UGT1A7: variants seen among roughly 807,000 people sequenced by gnomAD.
UGT1A7 encodes the protein UDP glucuronosyltransferase family 1 member A7.
Under a neutral mutation model 45.6 loss-of-function variants are expected in UGT1A7, and 33 were observed. That is an observed-to-expected ratio of 0.72 (90% CI 0.55 to 0.97). UGT1A7 has a LOEUF of 0.97. UGT1A7 is among the 50% of genes least tolerant of loss of function. UGT1A7 has a pLI of 0.00. For synonymous variants in UGT1A7, 274 were observed against 250.6 expected, an observed-to-expected ratio of 1.09 and a Z score of -0.88; for missense variants, 684 against 666.2, an observed-to-expected ratio of 1.03 and a Z score of -0.29.
chr2:233,700,404 A>C (rs1297317777), intron 1 of UGT1A7, among the ~76,000 whole-genome samples: 1 of 152,178 alleles, frequency 6.6e-6, no homozygotes, highest in African/African-American at 2.4e-5. Context: ...TTTTGGCAGC[A>C]GTGTTTCTGT....
At chr2:233,722,525 T>C (rs1187411582) in intron 1 of UGT1A7, among the ~76,000 whole-genome samples, 1 of 152,230 alleles carries the variant, frequency 6.6e-6, no homozygotes, top group Non-Finnish European at 1.5e-5. Flanking sequence ...TATTTTTGCC[T>C]TAATGATTTC....
chr2:233,729,641 T>C (rs2077899258), intron 1 of UGT1A7: 1 of 1,613,944 alleles, frequency 6.2e-7, no homozygotes, highest in Non-Finnish European at 8.5e-7. Flanking sequence ...ACTGTGTTTT[T>C]TTTGAGGAAC....
At chr2:233,714,301 A>G (rs45600634) in intron 1 of UGT1A7, among the ~76,000 whole-genome samples, 30 of 152,200 alleles carry the variant, frequency 2.0e-4, no homozygotes, top group African/African-American at 6.8e-4. Flanking sequence ...CCATCTTGCA[A>G]AAGATAGAGA....
chr2:233,719,363 C>T (rs569317540), intron 1 of UGT1A7: 1 of 1,613,942 alleles, frequency 6.2e-7, no homozygotes, highest in Non-Finnish European at 8.5e-7. Context: ...GTGACTTAGA[C>T]TTTAAGGGCA....
intron 1 of UGT1A7, chr2:233,719,612 C>T (rs147312289): frequency 3.1e-4 from 507 of 1,614,066 alleles, no homozygotes; most frequent in African/African-American, 5.3e-4. Flanking sequence ...TTGTGATGGA[C>T]TACCCCAGGC....
intron 1 of UGT1A7, among the ~76,000 whole-genome samples, chr2:233,696,402 G>A (rs1269862179): frequency 6.6e-6 from 1 of 152,092 alleles, no homozygotes; most frequent in Non-Finnish European, 1.5e-5. Flanking sequence ...TTTTGTAAAT[G>A]GGGTTGATTT....
In UGT1A7 at chr2:233,760,701, C is replaced by G. The variant is rs768185321; in HGVS notation, c.856-6333C>G. 6.8e-6 allele frequency: 11 copies of G among 1,614,172 alleles called. No individual in the cohort carries two copies. In the Admixed American group the frequency reaches 1.8e-4, roughly 27 times the overall value. ...TACTGCACAACAAGGAGCTCATGGCCTCCCTGGCAGAAAGCAGCTTTGATG... is the reference window on the plus strand; with the variant it reads ...TACTGCACAACAAGGAGCTCATGGCGTCCCTGGCAGAAAGCAGCTTTGATG... On this transcript the variant is annotated intron_variant, in intron 1 of 4. Transcript: ENST00000373426.
intron 1 of UGT1A7, among the ~76,000 whole-genome samples, chr2:233,761,962 G>T (rs1257423083): frequency 6.6e-6 from 1 of 152,228 alleles, no homozygotes; most frequent in Non-Finnish European, 1.5e-5. Context: ...CCATTAAGGG[G>T]ACTGATATCA....
chr2:233,732,117 C>A (rs2078240109), intron 1 of UGT1A7, among the ~76,000 whole-genome samples: 1 of 144,304 alleles, frequency 6.9e-6, no homozygotes, highest in Non-Finnish European at 1.5e-5. Context: ...CCTTTGCCCA[C>A]TTTTTGATGA....
intron 1 of UGT1A7, among the ~76,000 whole-genome samples, chr2:233,705,160 G>A (rs111652799): frequency 2.0e-5 from 3 of 151,646 alleles, no homozygotes; most frequent in African/African-American, 7.3e-5. Context: ...GAGAGAGAGA[G>A]AGAGAATAAA....
chr2:233,759,141 G>A (rs766249806), intron 1 of UGT1A7, among the ~76,000 whole-genome samples: 1 of 152,222 alleles, frequency 6.6e-6, no homozygotes, highest in Non-Finnish European at 1.5e-5. Context: ...CGCAATGAAG[G>A]TGAGTTCCAC....
chr2:233,713,607 A>T (rs1428471201), intron 1 of UGT1A7: 6 of 1,613,982 alleles, frequency 3.7e-6, no homozygotes. Flanking sequence ...AGACCACATG[A>T]CATTCCTGCA....
chr2:233,752,944 C>T (rs1559397408), intron 1 of UGT1A7, among the ~76,000 whole-genome samples: 2 of 152,230 alleles, frequency 1.3e-5, no homozygotes, highest in Non-Finnish European at 2.9e-5. Context: ...TTGCTGACCA[C>T]TGAACAATGG....
intron 1 of UGT1A7, among the ~76,000 whole-genome samples, chr2:233,756,943 A>G (rs1162189517): frequency 6.6e-6 from 1 of 152,066 alleles, no homozygotes; most frequent in Non-Finnish European, 1.5e-5. Context: ...CATAACCTGA[A>G]ACCCGGACTT....
At chr2:233,726,988 C>A (rs926323067) in intron 1 of UGT1A7, among the ~76,000 whole-genome samples, 1 of 152,120 alleles carries the variant, frequency 6.6e-6, no homozygotes, top group Non-Finnish European at 1.5e-5. Context: ...TGATGAGGTT[C>A]TTTCTAGCAA....
At chr2:233,751,910 A>T (rs1006806920) in intron 1 of UGT1A7, among the ~76,000 whole-genome samples, 1 of 152,180 alleles carries the variant, frequency 6.6e-6, no homozygotes. Flanking sequence ...AGAACAGACT[A>T]ATACAAGATT....
intron 1 of UGT1A7, among the ~76,000 whole-genome samples, chr2:233,737,276 AC>A (rs2078858274): frequency 1.3e-5 from 2 of 152,320 alleles, no homozygotes; most frequent in South Asian, 2.1e-4. Flanking sequence ...GACACCCCTC[AC>A]CCAGCCAGGC....
intron 1 of UGT1A7, chr2:233,742,079 T>C (rs1691866087): frequency 6.6e-6 from 1 of 151,874 alleles, no homozygotes; most frequent in Non-Finnish European, 1.5e-5. Flanking sequence ...GGAGATCCTT[T>C]TTTTACATTT....
In UGT1A7 at chr2:233,690,756, GACATACACACACACACACATAC is replaced by G. The variant is rs2075007528; in HGVS notation, c.855+7968_855+7989del. The G allele has an allele frequency of 2.1e-5, 23 of 1,106,914 alleles. No individual in the cohort carries two copies. The South Asian group carries it at 3.4e-4, about 16-fold the overall frequency. 68.6% of individuals were successfully genotyped at this position (1,106,914 alleles called of 1,614,324 possible). A position where few individuals can be genotyped will look rare whatever the true frequency, so the allele number is the denominator to read the frequency against. On this transcript the variant is annotated intron_variant, in intron 1 of 4. Coordinates refer to ENST00000373426, the MANE Select transcript of UGT1A7 (RefSeq NM_019077.3). Reference sequence around the variant, plus strand: ...ATTCCTCTGGCTAGTGTCCAGTGCAGACATACACACACACACACATACACACACACACACACACACACACCAT... The same window carrying G: ...ATTCCTCTGGCTAGTGTCCAGTGCAGACACACACACACACACACACACCAT...
Sources: allele counts gnomAD v4.1 joint callset (sites outside exome capture counted in the v4.1 genomes callset), GRCh38; gene constraint gnomAD v4.1.1; transcripts MANE v1.5; gene names NCBI Gene and HGNC (gene_info 2026-07-23, HGNC 2026-07-21).